Variants in ZNF680 observed in about 807,000 individuals in gnomAD.
ZNF680 encodes the protein zinc finger protein 680, also known as hypothetical protein FLJ90430.
In ZNF680, 6 loss-of-function variants were observed where a neutral mutation model predicts 12.1. The observed-to-expected ratio is 0.49, with a 90% CI of 0.27 to 0.98. The LOEUF (loss-of-function observed/expected upper bound fraction) is 0.98, where lower values mean the gene tolerates loss of function less well. Ranked by LOEUF, ZNF680 falls within the 50% of genes least tolerant of loss-of-function variation. ZNF680 has a pLI of 0.12. For missense variants in ZNF680, 561 were observed against 616.3 expected, an observed-to-expected ratio of 0.91 and a Z score of 0.95; for synonymous variants, 170 against 199.3, an observed-to-expected ratio of 0.85 and a Z score of 1.24.
chr7:64,501,977 A>G, the ZNF680 span, among the ~76,000 whole-genome samples: 2 of 150,190 alleles, frequency 1.3e-5, no homozygotes, highest in Non-Finnish European at 2.9e-5. Flanking sequence ...TTATGACTTA[A>G]CAATAAAAAG....
chr7:64,519,720 T>G (rs1437065164), downstream of ZNF680, among the ~76,000 whole-genome samples: 1 of 151,852 alleles, frequency 6.6e-6, no homozygotes. Flanking sequence ...TCAGTTAATC[T>G]GGAGGACAGC....
downstream of ZNF680, among the ~76,000 whole-genome samples, chr7:64,519,374 T>C (rs1003130959): frequency 6.6e-6 from 1 of 151,900 alleles, no homozygotes; most frequent in Non-Finnish European, 1.5e-5. Flanking sequence ...AGGGAACAAT[T>C]TTACACTTCT....
chr7:64,518,155 T>G (rs1395841262), downstream of ZNF680, among the ~76,000 whole-genome samples: 1 of 152,036 alleles, frequency 6.6e-6, no homozygotes, highest in Non-Finnish European at 1.5e-5. Context: ...GTTGATGATA[T>G]GATTGTATAC....
intron 3 of ZNF680, chr7:64,525,931 C>T (rs527638167): frequency 1.6e-4 from 155 of 984,788 alleles, no homozygotes; most frequent in Non-Finnish European, 1.8e-4. Context: ...ACACAGAGAT[C>T]GTTATATTGG....
chr7:64,519,010 C>T (rs1272820039), downstream of ZNF680, among the ~76,000 whole-genome samples: 1 of 151,858 alleles, frequency 6.6e-6, no homozygotes, highest in Non-Finnish European at 1.5e-5. Context: ...AATTAAACTA[C>T]AAAGCTTCTG....
rs1791466838 is a variant in ZNF680, at chr7:64,520,425, GA to G, written c.*735del. The stretch of plus-strand genomic sequence containing the variant: ...TTTACAAATAATCTAACAACTTATA[GA>G]TTTTTTTATACTCAACACTCTGTTT... On this transcript the variant is annotated 3_prime_UTR_variant, in exon 4 of 4. Transcript: ENST00000309683. 6.6e-6 allele frequency: 1 copy of G among 151,518 alleles called. No homozygotes were observed. Among genetic ancestry groups the G allele is most frequent in the African/African-American group, 2.4e-5 (1 of 41,298 alleles). The allele number at this position is 151,518 out of a possible 1,614,324, so 9.4% of individuals were successfully genotyped here.
intron 3 of ZNF680, among the ~76,000 whole-genome samples, chr7:64,542,609 A>G (rs1392801288): frequency 6.6e-6 from 1 of 152,252 alleles, no homozygotes; most frequent in Non-Finnish European, 1.5e-5. Flanking sequence ...TCTTATTTAC[A>G]GTAGCATTAA....
chr7:64,559,148 A>G (rs1787584974), intron 1 of ZNF680, among the ~76,000 whole-genome samples: 1 of 152,214 alleles, frequency 6.6e-6, no homozygotes, highest in African/African-American at 2.4e-5. Context: ...AAGCATGTGA[A>G]ATTACAGCTG....
chr7:64,527,785 T>C (rs913906854), intron 3 of ZNF680, among the ~76,000 whole-genome samples: 3 of 151,838 alleles, frequency 2.0e-5, no homozygotes, highest in African/African-American at 7.3e-5. Context: ...TCTGGGGGCA[T>C]CATGGTGGAT....
chr7:64,554,905 T>C (rs534920947), intron 1 of ZNF680, among the ~76,000 whole-genome samples: 1 of 152,076 alleles, frequency 6.6e-6, no homozygotes, highest in Admixed American at 6.5e-5. Flanking sequence ...TTCACATGTT[T>C]ATCTGCTGAC....
chr7:64,518,997 CTTAA>C (rs1329877268), downstream of ZNF680, among the ~76,000 whole-genome samples: 2 of 151,868 alleles, frequency 1.3e-5, no homozygotes, highest in Non-Finnish European at 2.9e-5. Flanking sequence ...ACAGATGGGG[CTTAA>C]TTAAACTACA....
the ZNF680 span, among the ~76,000 whole-genome samples, chr7:64,510,944 AAAAT>A: frequency 1.1e-4 from 2 of 18,262 alleles, 1 homozygote; most frequent in East Asian, 2.7e-3. Flanking sequence ...AATAAAAATA[AAAAT>A]AAAAATAAAA....
At chr7:64,531,182 T>C (rs1785853536) in intron 3 of ZNF680, among the ~76,000 whole-genome samples, 1 of 152,180 alleles carries the variant, frequency 6.6e-6, no homozygotes, top group African/African-American at 2.4e-5. Flanking sequence ...ATACACATTC[T>C]ACTCAACAGC....
At chr7:64,526,319 C>T (rs1791840420) in intron 3 of ZNF680, 2 of 1,193,440 alleles carry the variant, frequency 1.7e-6, no homozygotes, top group Admixed American at 9.0e-5. Context: ...ACTTTAAAAA[C>T]AGATAAAAAT....
intron 3 of ZNF680, among the ~76,000 whole-genome samples, chr7:64,526,864 C>A (rs1191536700): frequency 6.6e-6 from 1 of 152,210 alleles, no homozygotes; most frequent in Non-Finnish European, 1.5e-5. Flanking sequence ...GTAATCTCCA[C>A]TTTTCAAGAT....
intron 1 of ZNF680, among the ~76,000 whole-genome samples, chr7:64,557,985 C>G (rs545174104): frequency 1.3e-5 from 2 of 152,278 alleles, no homozygotes; most frequent in Admixed American, 6.5e-5. Context: ...ACAACTCGCA[C>G]GTTTACCCCC....
chr7:64,557,279 A>G (rs1381559160), intron 1 of ZNF680, among the ~76,000 whole-genome samples: 1 of 150,374 alleles, frequency 6.7e-6, no homozygotes, highest in Non-Finnish European at 1.5e-5. Context: ...CCATAAGGCC[A>G]GGCGCAGTGG....
chr7:64,554,872 C>T (rs1322810424), intron 1 of ZNF680, among the ~76,000 whole-genome samples: 1 of 152,070 alleles, frequency 6.6e-6, no homozygotes, highest in Non-Finnish European at 1.5e-5. Flanking sequence ...GGGCCCTCTG[C>T]CTAGGAAAAC....
In ZNF680 at chr7:64,521,656, A is replaced by AT; in HGVS notation, c.1097_1098insA (p.Arg367Ter). On this transcript the variant is annotated frameshift_variant, in exon 4 of 4. Transcript: ENST00000309683. LOFTEE classifies it low-confidence loss of function (END_TRUNC). ...CTCCAGTATGAATTTTCTTATGTCT[A>AT]GTAAGGTTTGCAAACTGGTTAAAAG... The AT allele has an allele frequency of 6.2e-7, 1 of 1,612,514 alleles. No homozygotes were observed.
Sources: allele counts gnomAD v4.1 joint callset (sites outside exome capture counted in the v4.1 genomes callset), GRCh38; gene constraint gnomAD v4.1.1; transcripts MANE v1.5; gene names NCBI Gene and HGNC (gene_info 2026-07-23, HGNC 2026-07-21).